The following FRMD5 variants were observed in gnomAD, a reference collection of about 807,000 sequenced individuals.
FRMD5 encodes FERM domain-containing protein 5.
A neutral mutation model predicts 69.0 loss-of-function variants in FRMD5; 20 were observed. That is an observed-to-expected ratio of 0.29 (90% CI 0.20 to 0.42). The LOEUF is 0.42. Among genes scored for constraint, FRMD5 ranks in the 10% least tolerant of loss-of-function variants. FRMD5 has a pLI of 1.00. For missense variants in FRMD5, 595 were observed against 708.6 expected (o/e 0.84, Z 1.82); for synonymous variants, 271 against 260.1 (o/e 1.04, Z -0.40).
At chr15:44,116,280 T>A (rs2076867624) in intron 1 of FRMD5, among the ~76,000 whole-genome samples, 3 of 151,110 alleles carry the variant, frequency 2.0e-5, no homozygotes, top group Admixed American at 2.0e-4. Context: ...AGAGACAGGG[T>A]CTGGCTGTTT....
intron 1 of FRMD5, among the ~76,000 whole-genome samples, chr15:44,054,859 C>T (rs1892807390): frequency 6.6e-6 from 1 of 151,906 alleles, no homozygotes; most frequent in Non-Finnish European, 1.5e-5. Context: ...ATCACGAGGT[C>T]AGGAGTTCAA....
chr15:44,013,770 T>C (rs982465926), intron 1 of FRMD5, among the ~76,000 whole-genome samples: 17 of 151,984 alleles, frequency 1.1e-4, no homozygotes, highest in African/African-American at 1.7e-4. Flanking sequence ...CTTACTTCCA[T>C]TGGGGAGGCC....
intron 1 of FRMD5, among the ~76,000 whole-genome samples, chr15:44,085,666 G>T (rs1434375996): frequency 6.6e-6 from 1 of 152,050 alleles, no homozygotes; most frequent in East Asian, 1.9e-4. Flanking sequence ...ATAAAATAGG[G>T]AAGCAATGGT....
intron 1 of FRMD5, among the ~76,000 whole-genome samples, chr15:44,128,134 C>A (rs1234683544): frequency 1.3e-5 from 2 of 152,114 alleles, no homozygotes; most frequent in Non-Finnish European, 2.9e-5. Flanking sequence ...TCAAAAAATG[C>A]CCAAAAGAGC....
chr15:44,073,244 C>T (rs1020370930), intron 1 of FRMD5, among the ~76,000 whole-genome samples: 1 of 151,534 alleles, frequency 6.6e-6, no homozygotes, highest in Non-Finnish European at 1.5e-5. Context: ...TTTGCCTGTT[C>T]CAGAGTTTCA....
chr15:44,038,376 C>A (rs1595656995), intron 1 of FRMD5, among the ~76,000 whole-genome samples: 1 of 152,076 alleles, frequency 6.6e-6, no homozygotes, highest in Non-Finnish European at 1.5e-5. Context: ...ATGCTTATGT[C>A]CTGAATGGTA....
chr15:43,985,593 C>G (rs569459900), intron 1 of FRMD5, among the ~76,000 whole-genome samples: 1 of 152,278 alleles, frequency 6.6e-6, no homozygotes, highest in African/African-American at 2.4e-5. Context: ...TACAGAGTCC[C>G]TTACACAACT....
At chr15:43,969,820 C>T (rs1336138344) in intron 1 of FRMD5, among the ~76,000 whole-genome samples, 1 of 152,138 alleles carries the variant, frequency 6.6e-6, no homozygotes, top group African/African-American at 2.4e-5. Flanking sequence ...TGATACTATT[C>T]CTCTATCCTA....
chr15:44,100,497 C>T (rs1203085665), intron 1 of FRMD5, among the ~76,000 whole-genome samples: 3 of 152,210 alleles, frequency 2.0e-5, no homozygotes, highest in Non-Finnish European at 4.4e-5. Context: ...TAAAGAAGCA[C>T]ATACCCTATG....
intron 1 of FRMD5, among the ~76,000 whole-genome samples, chr15:43,952,407 T>C (rs931521661): frequency 1.3e-5 from 2 of 152,334 alleles, no homozygotes; most frequent in Non-Finnish European, 1.5e-5. Flanking sequence ...GTCACAGCAG[T>C]ACTTATGTAA....
intron 1 of FRMD5, among the ~76,000 whole-genome samples, chr15:43,950,027 C>G (rs890581942): frequency 6.6e-6 from 1 of 152,226 alleles, no homozygotes; most frequent in Non-Finnish European, 1.5e-5. Context: ...GCCTCAGTTT[C>G]TTGAACTGCT....
At chr15:44,106,750 G>C (rs1025622008) in intron 1 of FRMD5, among the ~76,000 whole-genome samples, 34 of 77,738 alleles carry the variant, frequency 4.4e-4, no homozygotes, top group Non-Finnish European at 8.8e-4. Flanking sequence ...TAAACTGTGA[G>C]GCAAAGTTCT....
intron 1 of FRMD5, among the ~76,000 whole-genome samples, chr15:44,134,877 C>A (rs1011748677): frequency 2.0e-5 from 3 of 152,132 alleles, no homozygotes; most frequent in Admixed American, 1.3e-4. Context: ...ATAGCAAATG[C>A]AAAGGCCCTG....
chr15:44,174,230 C>T (rs2077853995), intron 1 of FRMD5, among the ~76,000 whole-genome samples: 1 of 151,938 alleles, frequency 6.6e-6, no homozygotes, highest in Admixed American at 6.6e-5. Flanking sequence ...CTGGTAATTT[C>T]TAGAAAAACC....
intron 7 of FRMD5, among the ~76,000 whole-genome samples, chr15:43,895,034 T>G (rs2088881589): frequency 6.6e-6 from 1 of 152,186 alleles, no homozygotes; most frequent in Admixed American, 6.5e-5. Flanking sequence ...TCCACCCACC[T>G]CAGCCTCCCA....
intron 1 of FRMD5, among the ~76,000 whole-genome samples, chr15:44,098,088 T>C (rs2042741): frequency 0.83 from 121,953 of 146,950 alleles, 53,036 homozygotes; most frequent in Non-Finnish European, 0.95. Flanking sequence ...AGTAATGCCA[T>C]GCTCCCAAAA....
chr15:44,121,832 C>T (rs747934284), intron 1 of FRMD5, among the ~76,000 whole-genome samples: 7 of 151,142 alleles, frequency 4.6e-5, no homozygotes, highest in Non-Finnish European at 8.9e-5. Flanking sequence ...CTGTCTCTAA[C>T]TAAAATACAA....
chr15:43,882,360 T>C (rs892278543), intron 13 of FRMD5, among the ~76,000 whole-genome samples: 2 of 150,766 alleles, frequency 1.3e-5, no homozygotes, highest in African/African-American at 5.0e-5. Context: ...CAGGACAAAT[T>C]TCTTTCTTTT....
intron 1 of FRMD5, among the ~76,000 whole-genome samples, chr15:44,026,500 T>C (rs2140269490): frequency 6.6e-6 from 1 of 152,334 alleles, no homozygotes; most frequent in Admixed American, 6.5e-5. Flanking sequence ...TAAAAGTGAT[T>C]TGGCCCTACA....
Sources: allele counts gnomAD v4.1 joint callset (sites outside exome capture counted in the v4.1 genomes callset), GRCh38; gene constraint gnomAD v4.1.1; transcripts MANE v1.5; gene names NCBI Gene and HGNC (gene_info 2026-07-23, HGNC 2026-07-21).